CHCHD6: variants seen among roughly 807,000 people sequenced by gnomAD.
CHCHD6 encodes MICOS complex subunit MIC25.
In CHCHD6, 28 loss-of-function variants were observed where a neutral mutation model predicts 32.3. The observed-to-expected ratio is 0.87, with a 90% CI of 0.64 to 1.19. The LOEUF is 1.19. Ranked by LOEUF, CHCHD6 falls within the 50% of genes most tolerant of loss-of-function variation. CHCHD6 has a pLI of 0.00. For missense variants in CHCHD6, 333 were observed against 307.0 expected, an observed-to-expected ratio of 1.08 and a Z score of -0.63; for synonymous variants, 122 against 117.5, an observed-to-expected ratio of 1.04 and a Z score of -0.25.
At chr3:126,863,313 C>CT (rs1942032710) in intron 5 of CHCHD6, among the ~76,000 whole-genome samples, 1 of 126,854 alleles carries the variant, frequency 7.9e-6, no homozygotes, top group African/African-American at 3.5e-5. Context: ...CCTCCTCCTC[C>CT]ATCACCACCT....
chr3:126,917,824 A>T (rs973584152), intron 6 of CHCHD6, among the ~76,000 whole-genome samples: 1 of 152,162 alleles, frequency 6.6e-6, no homozygotes, highest in Non-Finnish European at 1.5e-5. Flanking sequence ...CATGTTGAGG[A>T]CACAGAGAGA....
At chr3:126,888,397 AGCTAAG>A (rs2077707044) in intron 5 of CHCHD6, among the ~76,000 whole-genome samples, 1 of 152,184 alleles carries the variant, frequency 6.6e-6, no homozygotes, top group African/African-American at 2.4e-5. Flanking sequence ...CTAACATCTG[AGCTAAG>A]GCACAATGAA....
chr3:126,862,452 C>G (rs1941956599), intron 5 of CHCHD6, among the ~76,000 whole-genome samples: 1 of 140,652 alleles, frequency 7.1e-6, no homozygotes. Context: ...CCATCACCAC[C>G]TCCTCCTCCA....
chr3:126,761,697 G>A (rs11928720), intron 4 of CHCHD6, among the ~76,000 whole-genome samples: 5,276 of 152,270 alleles, frequency 0.035, 144 homozygotes, highest in Non-Finnish European at 0.049. Context: ...AAAGGGCTGG[G>A]ATTACAAGTG....
chr3:126,706,537 CT>C (rs1559795213), intron 1 of CHCHD6, among the ~76,000 whole-genome samples: 1 of 152,130 alleles, frequency 6.6e-6, no homozygotes, highest in Non-Finnish European at 1.5e-5. Context: ...CTGGAAGGAA[CT>C]TTGGTGACTG....
intron 6 of CHCHD6, among the ~76,000 whole-genome samples, chr3:126,922,269 G>A (rs1367475639): frequency 4.6e-5 from 7 of 152,210 alleles, no homozygotes; most frequent in Non-Finnish European, 5.9e-5. Context: ...TCAGCTGGCA[G>A]ATGCCATTAT....
intron 6 of CHCHD6, among the ~76,000 whole-genome samples, chr3:126,951,305 G>T (rs2078712363): frequency 6.6e-6 from 1 of 152,158 alleles, no homozygotes; most frequent in Non-Finnish European, 1.5e-5. Flanking sequence ...AAATTACCCA[G>T]TCTCAGGCAG....
rs765969321 is a variant in CHCHD6, at chr3:126,852,684, G to A, written c.449G>A (p.Arg150His). 7.4e-6 allele frequency: 12 copies of A among 1,613,680 alleles called. No homozygotes were observed. The highest frequency in any genetic ancestry group is 4.5e-5 in the East Asian group (2 of 44,862). The change falls in exon 5 of 8, where the codon CGC (arginine) becomes CAC (histidine). Residue 150 changes from arginine (R) to histidine (H), a missense_variant. Coordinates refer to ENST00000290913, the MANE Select transcript of CHCHD6 (RefSeq NM_032343.3). ...ELESREAELR[R>H]RDTFYKEQLE... ...GAGAGCAGAGAGGCAGAGCTAAGAC[G>A]CCGTGACACCTTCTACAAGGAGCAG...
At chr3:126,946,157 C>T (rs1034560576) in intron 6 of CHCHD6, among the ~76,000 whole-genome samples, 5 of 152,086 alleles carry the variant, frequency 3.3e-5, no homozygotes, top group South Asian at 2.1e-4. Flanking sequence ...GCAGAAACAG[C>T]GCCAGAAAGC....
intron 4 of CHCHD6, among the ~76,000 whole-genome samples, chr3:126,788,740 C>A (rs1408116202): frequency 6.6e-6 from 1 of 152,134 alleles, no homozygotes; most frequent in African/African-American, 2.4e-5. Flanking sequence ...TGCTAGCGGT[C>A]TATCAATTTT....
chr3:126,901,806 G>A (rs185979430), intron 5 of CHCHD6, among the ~76,000 whole-genome samples: 2 of 152,318 alleles, frequency 1.3e-5, no homozygotes, highest in Admixed American at 6.5e-5. Flanking sequence ...AGAGGGTCAC[G>A]GTTCTTCTGT....
At chr3:126,953,047 T>C (rs2078737391) in intron 6 of CHCHD6, 1 of 985,472 alleles carries the variant, frequency 1.0e-6, no homozygotes, top group Middle Eastern at 5.2e-4. Context: ...TTACTGAGCA[T>C]GTTCTGACCG....
At chr3:126,877,183 G>T (rs956342096) in intron 5 of CHCHD6, among the ~76,000 whole-genome samples, 6 of 152,202 alleles carry the variant, frequency 3.9e-5, no homozygotes, top group Admixed American at 3.3e-4. Context: ...GGGGAATGGG[G>T]ATGGGATGGG....
At chr3:126,871,567 G>T (rs947683996) in intron 5 of CHCHD6, among the ~76,000 whole-genome samples, 1 of 151,680 alleles carries the variant, frequency 6.6e-6, no homozygotes, top group Admixed American at 6.6e-5. Context: ...AGGGAGCCCC[G>T]TCCCCACCCT....
intron 5 of CHCHD6, among the ~76,000 whole-genome samples, chr3:126,865,333 A>C (rs538281452): frequency 6.8e-6 from 1 of 146,622 alleles, no homozygotes; most frequent in Non-Finnish European, 1.5e-5. Context: ...CACCTCTACC[A>C]ACTGCTCCAC....
rs552891122 is a variant in CHCHD6 at position 126,787,387 on chromosome 3, T to G, written c.411+54165T>G. Among the ~76,000 whole-genome samples the G allele has an allele frequency of 9.7e-4, 147 of 152,290 alleles. 1 individual carries two copies. Among genetic ancestry groups the G allele is most frequent in the African/African-American group, 3.2e-3 (133 of 41,562 alleles). ...AAAGTCATTGGTAGCTTGATGGGGA[T>G]GGCATTGAATCTATAAGTTACCTTG... On this transcript the variant is annotated intron_variant, in intron 4 of 7. Coordinates refer to ENST00000290913, the MANE Select transcript of CHCHD6 (RefSeq NM_032343.3).
chr3:126,865,228 C>T (rs1045025080), intron 5 of CHCHD6, among the ~76,000 whole-genome samples: 2 of 149,988 alleles, frequency 1.3e-5, no homozygotes, highest in Non-Finnish European at 3.0e-5. Flanking sequence ...TCCACCACCA[C>T]CTCCATTTCC....
intron 1 of CHCHD6, among the ~76,000 whole-genome samples, chr3:126,706,699 G>A (rs1934504060): frequency 6.6e-6 from 1 of 151,970 alleles, no homozygotes; most frequent in Non-Finnish European, 1.5e-5. Context: ...AGGAGGTGAT[G>A]GTATGAAGAA....
chr3:126,787,432 C>T (rs1411954046), intron 4 of CHCHD6, among the ~76,000 whole-genome samples: 5 of 152,158 alleles, frequency 3.3e-5, no homozygotes, highest in African/African-American at 1.2e-4. Flanking sequence ...GCCATTTTCA[C>T]GATATTGATT....
Sources: allele counts gnomAD v4.1 joint callset (sites outside exome capture counted in the v4.1 genomes callset), GRCh38; gene constraint gnomAD v4.1.1; transcripts MANE v1.5; gene names NCBI Gene and HGNC (gene_info 2026-07-23, HGNC 2026-07-21).